Variants in CLEC12A observed in about 807,000 individuals in gnomAD.
The protein encoded by CLEC12A is C-type lectin protein CLL-1.
In CLEC12A, 22 loss-of-function variants were observed where a neutral mutation model predicts 26.5. The observed-to-expected ratio is 0.83, with a 90% CI of 0.59 to 1.19. The LOEUF (loss-of-function observed/expected upper bound fraction) is 1.19, where lower values mean the gene tolerates loss of function less well. Among genes scored for constraint, CLEC12A ranks in the 50% most tolerant of loss-of-function variants. CLEC12A has a pLI of 0.00. For synonymous variants in CLEC12A, 119 were observed against 101.9 expected (o/e 1.17, Z -1.01); for missense variants, 353 against 315.6 (o/e 1.12, Z -0.90).
At chr12:9,977,517 A>G (rs948732175) in intron 1 of CLEC12A, among the ~76,000 whole-genome samples, 1 of 152,188 alleles carries the variant, frequency 6.6e-6, no homozygotes, top group African/African-American at 2.4e-5. Flanking sequence ...TGTTTTTCAA[A>G]TAGAAATCTT....
chr12:9,995,208 G>A (rs377402728), exon 5 of CLEC12A: 26 of 1,612,932 alleles, frequency 1.6e-5, no homozygotes, highest in African/African-American at 8.0e-5. Flanking sequence ...GAGATAATCC[G>A]ACCCAACGAA....
chr12:9,997,513 A>G (rs944692568), downstream of CLEC12A, among the ~76,000 whole-genome samples: 21 of 152,186 alleles, frequency 1.4e-4, no homozygotes, highest in Admixed American at 3.9e-4. Context: ...GACAATCACA[A>G]ATAAAAAATC....
rs1173319665 is a variant in CLEC12A, at chr12:9,977,907, CTT to C, written c.92-1058_92-1057del. 6.0e-4 allele frequency among the ~76,000 whole-genome samples: 92 copies of C among 152,122 alleles called. 1 individual carries two copies. The highest frequency in any genetic ancestry group is 2.8e-4 in the Non-Finnish European group (19 of 67,976). ...TGAATAAGTTCATTGAATAAATAAACTTGAATAATTGAATACACATATAAATA... is the reference window on the plus strand; with the variant it reads ...TGAATAAGTTCATTGAATAAATAAACGAATAATTGAATACACATATAAATA... On this transcript the variant is annotated intron_variant, in intron 1 of 5. Coordinates refer to ENST00000304361, the MANE Select transcript of CLEC12A (RefSeq NM_138337.6).
downstream of CLEC12A, chr12:9,986,250 C>T (rs1864762840): frequency 5.8e-6 from 2 of 347,720 alleles, no homozygotes; most frequent in Middle Eastern, 1.9e-3. Flanking sequence ...GAACCTATTC[C>T]ATTAGGGTAC....
At chr12:9,996,922 A>G (rs1296205597), downstream of CLEC12A, 5 of 1,613,918 alleles carry the variant, frequency 3.1e-6, no homozygotes. Context: ...TTCCCATGTT[A>G]AGTTGTGCCT....
chr12:10,005,883 C>T, the CLEC12A span, among the ~76,000 whole-genome samples: 91 of 152,104 alleles, frequency 6.0e-4, no homozygotes, highest in Non-Finnish European at 1.1e-3. Flanking sequence ...GTAAATAATT[C>T]GGAATTAATT....
At chr12:9,964,123 T>C (rs932729746) in intron 1 of CLEC12A, among the ~76,000 whole-genome samples, 2 of 151,018 alleles carry the variant, frequency 1.3e-5, no homozygotes, top group African/African-American at 4.9e-5. Flanking sequence ...ACGGGGGGAG[T>C]AGAGTTGATA....
At chr12:9,954,403 G>T (rs893292175) in intron 1 of CLEC12A, among the ~76,000 whole-genome samples, 1 of 151,986 alleles carries the variant, frequency 6.6e-6, no homozygotes, top group Non-Finnish European at 1.5e-5. Context: ...GCTGAGGTGG[G>T]AGGATTACCT....
At chr12:9,984,052 TCA>T (rs1204970307) in intron 5 of CLEC12A, 1 of 294,592 alleles carries the variant, frequency 3.4e-6, no homozygotes, top group Non-Finnish European at 6.7e-6. Flanking sequence ...GTAGATATTT[TCA>T]GTTATCAAAA....
intron 1 of CLEC12A, chr12:9,953,064 ACC>A (rs1341468854): frequency 7.7e-6 from 1 of 129,808 alleles, no homozygotes; most frequent in Admixed American, 7.7e-5. Context: ...CCCAGCAGCC[ACC>A]CCGTCCGGGA....
In CLEC12A at chr12:9,971,704, T is replaced by C. The variant is rs771433619; in HGVS notation, c.91+17T>C. ...GGGAAAAAGGTAAGATTTTGAGTTA[T>C]GGATGTGTTGTAAGTTTGTATAATA... is the stretch of plus-strand genomic sequence containing the variant. On this transcript the variant is annotated intron_variant, in intron 1 of 5. Coordinates refer to ENST00000304361, the MANE Select transcript of CLEC12A (RefSeq NM_138337.6). 2.9e-5 allele frequency: 46 copies of C among 1,604,928 alleles called. No homozygotes were observed. Among genetic ancestry groups the C allele is most frequent in the Non-Finnish European group, 3.9e-5 (46 of 1,175,736 alleles).
intron 1 of CLEC12A, among the ~76,000 whole-genome samples, chr12:9,960,605 T>A (rs748630167): frequency 9.2e-5 from 14 of 152,228 alleles, no homozygotes; most frequent in Non-Finnish European, 1.8e-4. Context: ...GAAGGATCAA[T>A]GACCAGATTC....
chr12:10,000,614 A>G (rs80338457), downstream of CLEC12A, among the ~76,000 whole-genome samples: 1,753 of 152,364 alleles, frequency 0.012, 12 homozygotes, highest in Non-Finnish European at 0.019. Flanking sequence ...CAGTTAAAAT[A>G]TTCAGGGGTT....
the CLEC12A span, among the ~76,000 whole-genome samples, chr12:10,002,046 A>AT: frequency 1.3e-4 from 20 of 151,022 alleles, no homozygotes; most frequent in Admixed American, 7.9e-4. Context: ...CGCCTGGCTA[A>AT]TTTTTTTTGT....
intron 1 of CLEC12A, chr12:9,952,147 GTCTCCCTCTCCC>G (rs1295206119): frequency 2.9e-4 from 15 of 51,232 alleles, no homozygotes; most frequent in South Asian, 8.2e-4. Flanking sequence ...CTCCCTCTCC[GTCTCCCTCTCCC>G]TCTCCCTCTC....
At chr12:9,970,258 C>T (rs11053533), upstream of CLEC12A, among the ~76,000 whole-genome samples, 15,935 of 151,544 alleles carry the variant, frequency 0.11, 1,011 homozygotes, top group East Asian at 0.18. Flanking sequence ...TTTTTTTGTT[C>T]ATTTTGGTTA....
intron 1 of CLEC12A, among the ~76,000 whole-genome samples, chr12:9,955,538 C>T (rs1037000755): frequency 4.6e-5 from 7 of 152,052 alleles, no homozygotes; most frequent in African/African-American, 1.7e-4. Context: ...GGCATAAATG[C>T]TCTAAGTGAA....
chr12:10,001,799 C>T, the CLEC12A span, among the ~76,000 whole-genome samples: 1 of 152,130 alleles, frequency 6.6e-6, no homozygotes, highest in Admixed American at 6.5e-5. Flanking sequence ...TTTATTTCTG[C>T]TTCAATATTT....
intron 4 of CLEC12A, chr12:9,991,351 A>G (rs1443095381): frequency 6.6e-6 from 1 of 152,184 alleles, no homozygotes; most frequent in Non-Finnish European, 1.5e-5. Context: ...TACATTTTTA[A>G]TTGTATTGTT....
Sources: gnomAD v4.1 joint callset for allele counts (sites outside exome capture counted in the v4.1 genomes callset) on GRCh38, gnomAD v4.1.1 for gene constraint, MANE v1.5 for transcripts, NCBI Gene and HGNC (gene_info 2026-07-23, HGNC 2026-07-21) for gene names.